The following KLHL7 variants were observed in gnomAD, a reference collection of about 807,000 sequenced individuals.
The protein encoded by KLHL7 is kelch-like protein 7.
KLHL7 carries 44 observed loss-of-function variants against 67.4 expected under a neutral mutation model. The observed-to-expected ratio is 0.65, with a 90% CI of 0.51 to 0.84. The LOEUF (loss-of-function observed/expected upper bound fraction) is 0.84. Ranked by LOEUF, KLHL7 falls within the 40% of genes least tolerant of loss-of-function variation. KLHL7 has a pLI of 0.00. For synonymous variants in KLHL7, 252 were observed against 243.3 expected (o/e 1.04, Z -0.33); for missense variants, 362 against 718.1 (o/e 0.50, Z 5.67).
At position 23,175,649 on chromosome 7, in the gene KLHL7, T is replaced by C. The variant is rs1281364080; in HGVS notation, c.*1351T>C. 7.3e-6 allele frequency: 2 copies of C among 273,054 alleles called. No individual in the cohort carries two copies. Among genetic ancestry groups the C allele is most frequent in the African/African-American group, 4.6e-5 (2 of 43,310 alleles). The allele number at this position is 273,054 out of a possible 1,614,324, so 16.9% of individuals were successfully genotyped here. On this transcript the variant is annotated 3_prime_UTR_variant, in exon 11 of 11. Coordinates refer to ENST00000339077, the MANE Select transcript of KLHL7 (RefSeq NM_001031710.3). ...TTATTGAGATATAATTCACATACCA[T>C]ACAATTCACCATTTAAAGTATACTA...
intron 7 of KLHL7, among the ~76,000 whole-genome samples, chr7:23,162,617 C>T (rs1242985300): frequency 6.6e-6 from 1 of 152,220 alleles, no homozygotes; most frequent in Non-Finnish European, 1.5e-5. Context: ...CTTTGAACTA[C>T]ATTCTTTGTG....
intron 1 of KLHL7, chr7:23,106,353 G>T: frequency 7.1e-7 from 1 of 1,412,526 alleles, no homozygotes; most frequent in South Asian, 1.4e-5. Flanking sequence ...CTCGTCTGCC[G>T]AGGATGTAGC....
chr7:23,139,008 G>C (rs1784085033), intron 4 of KLHL7, among the ~76,000 whole-genome samples: 1 of 150,394 alleles, frequency 6.6e-6, no homozygotes, highest in Non-Finnish European at 1.5e-5. Context: ...ATTGGATGAA[G>C]AAAGTGTGGG....
intron 1 of KLHL7, among the ~76,000 whole-genome samples, chr7:23,113,828 A>G (rs1218675492): frequency 6.6e-6 from 1 of 152,204 alleles, no homozygotes; most frequent in Non-Finnish European, 1.5e-5. Flanking sequence ...CTCTGTCTCA[A>G]AAAAACCCCC....
intron 6 of KLHL7, among the ~76,000 whole-genome samples, chr7:23,151,526 G>C (rs968062492): frequency 4.4e-5 from 5 of 114,864 alleles, no homozygotes; most frequent in African/African-American, 2.7e-4. Context: ...AGTAGGTCTG[G>C]GATAGGGGCC....
At chr7:23,121,206 A>C in intron 1 of KLHL7, among the ~76,000 whole-genome samples, 1 of 152,262 alleles carries the variant, frequency 6.6e-6, no homozygotes, top group East Asian at 1.9e-4. Flanking sequence ...CATGGTGTAT[A>C]TATACCATAT....
intron 1 of KLHL7, among the ~76,000 whole-genome samples, chr7:23,114,735 G>C (rs1446828415): frequency 6.6e-5 from 10 of 152,120 alleles, no homozygotes; most frequent in Admixed American, 6.6e-4. Context: ...CTTTGAAATG[G>C]GTGGATAACT....
intron 4 of KLHL7, among the ~76,000 whole-genome samples, chr7:23,139,059 T>C (rs902622715): frequency 4.0e-5 from 6 of 150,500 alleles, no homozygotes; most frequent in Admixed American, 2.0e-4. Context: ...TATAACATTT[T>C]AGTTTCATTG....
chr7:23,138,277 G>A (rs1185880819), intron 4 of KLHL7, among the ~76,000 whole-genome samples: 1 of 151,394 alleles, frequency 6.6e-6, no homozygotes. Context: ...GCCTGGCCAA[G>A]ATGGTGAAAC....
chr7:23,150,838 G>A (rs2128466601), intron 6 of KLHL7, among the ~76,000 whole-genome samples: 1 of 152,144 alleles, frequency 6.6e-6, no homozygotes, highest in South Asian at 2.1e-4. Flanking sequence ...ATTTTAATTT[G>A]TATTTTTCTA....
At chr7:23,164,288 A>C (rs1161815311) in intron 7 of KLHL7, among the ~76,000 whole-genome samples, 1 of 152,116 alleles carries the variant, frequency 6.6e-6, no homozygotes, top group Non-Finnish European at 1.5e-5. Flanking sequence ...TTTGAGATTC[A>C]CTGAGTTAAT....
At chr7:23,147,773 G>A (rs1313724258) in intron 6 of KLHL7, among the ~76,000 whole-genome samples, 1 of 152,170 alleles carries the variant, frequency 6.6e-6, no homozygotes, top group African/African-American at 2.4e-5. Context: ...TGGTTTCCTA[G>A]ACTTGCAGGT....
chr7:23,144,009 C>T lies in KLHL7; in HGVS notation c.777C>T (p.Cys259=). ...CACTTATTCAAGACAATCCTGAATG[C>T]CTTAAGATGGTGATAAGTAAGTTGC... ...AEPLIQDNPE[C]LKMVISGMRY... Residue 259 remains cysteine, a synonymous_variant, in exon 6 of 11, where the codon TGC becomes TGT. Transcript: ENST00000339077. 1.9e-6 allele frequency: 3 copies of T among 1,613,432 alleles called. No individual in the cohort carries two copies. Among genetic ancestry groups the T allele is most frequent in the Non-Finnish European group, 2.5e-6 (3 of 1,179,764 alleles).
At chr7:23,129,097 C>T (rs1403103696) in intron 4 of KLHL7, 1 of 152,748 alleles carries the variant, frequency 6.5e-6, no homozygotes, top group Non-Finnish European at 1.5e-5. Flanking sequence ...CATCTGGGAC[C>T]TTGGCTGTGG....
intron 9 of KLHL7, chr7:23,172,139 A>T (rs774140893): frequency 4.4e-6 from 2 of 456,362 alleles, no homozygotes; most frequent in Non-Finnish European, 8.8e-6. Flanking sequence ...TGCTGAAAGC[A>T]CAAGCCTGTG....
chr7:23,169,129 C>T (rs776012334), intron 9 of KLHL7, among the ~76,000 whole-genome samples: 1 of 152,004 alleles, frequency 6.6e-6, no homozygotes, highest in African/African-American at 2.4e-5. Flanking sequence ...GGTGTTGTGG[C>T]GCGTGCCTGT....
intron 1 of KLHL7, among the ~76,000 whole-genome samples, chr7:23,121,104 T>C (rs1256286506): frequency 3.9e-5 from 6 of 152,248 alleles, no homozygotes; most frequent in Non-Finnish European, 7.3e-5. Flanking sequence ...TTTCTGTTCC[T>C]AGCTTATTTC....
intron 1 of KLHL7, among the ~76,000 whole-genome samples, chr7:23,117,245 G>A (rs935356055): frequency 6.6e-6 from 1 of 151,676 alleles, no homozygotes; most frequent in Non-Finnish European, 1.5e-5. Context: ...GCACCACCAC[G>A]CCTGGCTAAT....
At chr7:23,151,440 C>T (rs1003413704) in intron 6 of KLHL7, among the ~76,000 whole-genome samples, 9 of 152,178 alleles carry the variant, frequency 5.9e-5, no homozygotes, top group Non-Finnish European at 1.5e-5. Flanking sequence ...ATTTTAGAGT[C>T]ATCTAAGACA....
Sources: allele counts gnomAD v4.1 joint callset (sites outside exome capture counted in the v4.1 genomes callset), GRCh38; gene constraint gnomAD v4.1.1; transcripts MANE v1.5; gene names NCBI Gene and HGNC (gene_info 2026-07-23, HGNC 2026-07-21).